Variants in ZNF33A observed in about 807,000 individuals in gnomAD.
ZNF33A encodes the protein brain my041 protein.
ZNF33A carries 9 observed loss-of-function variants against 15.9 expected under a neutral mutation model. The observed-to-expected ratio is 0.57, with a 90% CI of 0.34 to 0.99. ZNF33A has a LOEUF of 0.99. ZNF33A is among the 50% of genes least tolerant of loss of function. The pLI is 0.02. For synonymous variants in ZNF33A, 294 were observed against 324.2 expected, an observed-to-expected ratio of 0.91 and a Z score of 1.00; for missense variants, 843 against 941.6, an observed-to-expected ratio of 0.90 and a Z score of 1.37.
At chr10:38,015,678 A>G (rs1187595842) in intron 2 of ZNF33A, among the ~76,000 whole-genome samples, 1 of 152,116 alleles carries the variant, frequency 6.6e-6, no homozygotes, top group Non-Finnish European at 1.5e-5. Flanking sequence ...TGTCCAACCT[A>G]TATAGCCCTA....
Position 38,010,762 on chromosome 10 carries a change from T to G in ZNF33A, c.-66T>G. 1 of 1,598,400 alleles carries G rather than the reference T, an allele frequency of 6.3e-7. No homozygotes were observed. The highest frequency in any genetic ancestry group is 8.5e-7 in the Non-Finnish European group (1 of 1,179,790). On this transcript the variant is annotated 5_prime_UTR_variant, in exon 1 of 5. An upstream start codon of the reference 5' UTR is lost. Coordinates refer to ENST00000432900, the MANE Select transcript of ZNF33A (RefSeq NM_006954.2). ...GGTCTACGCGCTTTTCTATGGCGAA[T>G]GCAACCCGACGAGGGAGTGGGGTAA...
At chr10:38,034,825 A>G (rs2065369532) in intron 4 of ZNF33A, among the ~76,000 whole-genome samples, 1 of 152,168 alleles carries the variant, frequency 6.6e-6, no homozygotes, top group South Asian at 2.1e-4. Flanking sequence ...TGAAAATGGT[A>G]TTAGAAACCA....
At chr10:38,033,332 A>G (rs2065294616) in intron 4 of ZNF33A, among the ~76,000 whole-genome samples, 1 of 152,206 alleles carries the variant, frequency 6.6e-6, no homozygotes, top group South Asian at 2.1e-4. Context: ...TAGATATACT[A>G]CATTTTATGT....
chr10:38,014,370 T>C (rs2064348159), intron 2 of ZNF33A, among the ~76,000 whole-genome samples: 1 of 152,178 alleles, frequency 6.6e-6, no homozygotes, highest in Non-Finnish European at 1.5e-5. Flanking sequence ...CAGAAGAAGT[T>C]TACCAATCCC....
At chr10:38,027,422 C>T (rs532585632) in intron 4 of ZNF33A, among the ~76,000 whole-genome samples, 38 of 151,980 alleles carry the variant, frequency 2.5e-4, no homozygotes, top group South Asian at 1.9e-3. Context: ...GGTACAATTA[C>T]GGCTCACTGC....
rs2066590869 is a variant in ZNF33A, at chr10:38,058,833, T to G, written c.*2273T>G. 6.6e-6 allele frequency: 1 copy of G among 152,124 alleles called. No individual in the cohort carries two copies. Among genetic ancestry groups the G allele is most frequent in the African/African-American group, 2.4e-5 (1 of 41,442 alleles). The allele number at this position is 152,124 out of a possible 1,614,324, so 9.4% of individuals were successfully genotyped here. On this transcript the variant is annotated 3_prime_UTR_variant, in exon 5 of 5. Coordinates refer to ENST00000432900, the MANE Select transcript of ZNF33A (RefSeq NM_006954.2). The stretch of plus-strand genomic sequence containing the variant: ...GGACCAGCTGGGTTCACTGATGTGT[T>G]TTTGAGATACTTAAGGTAGAAATGA...
chr10:38,044,999 A>G (rs552113238), intron 4 of ZNF33A, among the ~76,000 whole-genome samples: 252 of 152,312 alleles, frequency 1.7e-3, no homozygotes, highest in Non-Finnish European at 2.3e-3. Flanking sequence ...CTTTGAGGTC[A>G]GCTAAGTCTG....
chr10:38,041,807 C>T (rs906072541), intron 4 of ZNF33A, among the ~76,000 whole-genome samples: 5 of 152,126 alleles, frequency 3.3e-5, no homozygotes, highest in Non-Finnish European at 7.4e-5. Context: ...GGATACTCAA[C>T]CTGTAATTGT....
intron 4 of ZNF33A, among the ~76,000 whole-genome samples, chr10:38,022,657 C>CA (rs35295191): frequency 0.089 from 8,057 of 90,840 alleles, 898 homozygotes; most frequent in African/African-American, 0.25. Flanking sequence ...AACTCTGTCT[C>CA]AAAAAAAAAA....
chr10:38,041,188 A>G (rs1450551546), intron 4 of ZNF33A, among the ~76,000 whole-genome samples: 1 of 152,088 alleles, frequency 6.6e-6, no homozygotes, highest in African/African-American at 2.4e-5. Context: ...TAGCACATAG[A>G]GGTGAGGTCT....
At chr10:38,064,316 C>T (rs1341466454), downstream of ZNF33A, 10 of 550,316 alleles carry the variant, frequency 1.8e-5, no homozygotes, top group Middle Eastern at 2.7e-4. Flanking sequence ...ATTTCTACTT[C>T]AAAGAGTTGC....
At chr10:38,034,756 G>T (rs2065366758) in intron 4 of ZNF33A, among the ~76,000 whole-genome samples, 1 of 152,080 alleles carries the variant, frequency 6.6e-6, no homozygotes, top group Admixed American at 6.6e-5. Context: ...GGCTCATCTT[G>T]TATATTTTCT....
At chr10:38,014,509 C>T (rs1354093698) in intron 2 of ZNF33A, among the ~76,000 whole-genome samples, 1 of 152,198 alleles carries the variant, frequency 6.6e-6, no homozygotes, top group Non-Finnish European at 1.5e-5. Context: ...ACATTTACAT[C>T]TCTTTCATTG....
Position 38,055,936 on chromosome 10 carries a change from A to G in ZNF33A, c.1812A>G (p.Thr604=), listed in dbSNP as rs760781054. 8.1e-6 allele frequency: 13 copies of G among 1,613,916 alleles called. No individual in the cohort carries two copies. The African/African-American group carries it at 1.7e-4, about 22-fold the overall frequency. The change falls in exon 5 of 5, where the codon ACA becomes ACG. Residue 604 remains threonine (T), a synonymous_variant. Coordinates refer to ENST00000432900, the MANE Select transcript of ZNF33A (RefSeq NM_006954.2). ...TAACTAAACATAATAGAACACATAC[A>G]GGGGAGAAACCCTATGAATGTAATG... The part of the protein sequence containing the change: ...SYLTKHNRTH[T]GEKPYECNEC...
chr10:38,056,840 T>G lies in ZNF33A; in HGVS notation c.*280T>G. ...AGAAATAAAATACGACAAGTTATGT[T>G]TTGAGTTTGATGCCATAATAGTTTT... On this transcript the variant is annotated 3_prime_UTR_variant, in exon 5 of 5. Transcript: ENST00000432900. 9.1e-7 allele frequency: 1 copy of G among 1,104,750 alleles called. No homozygotes were observed. The highest frequency in any genetic ancestry group is 3.9e-4 in the Middle Eastern group (1 of 2,538). The allele number at this position is 1,104,750 out of a possible 1,614,324, so 68.4% of individuals were successfully genotyped here.
At position 38,028,600 on chromosome 10, in the gene ZNF33A, T is replaced by G. The variant is rs1755802717; in HGVS notation, c.250+11214T>G. ...CTCATGCCTCAGCCTCCCAAGTAGC[T>G]GGGACTACAGGCACGTGCCACCACA... On this transcript the variant is annotated intron_variant, in intron 4 of 4. Coordinates refer to ENST00000432900, the MANE Select transcript of ZNF33A (RefSeq NM_006954.2). Among the ~76,000 whole-genome samples the G allele has an allele frequency of 3.9e-5, 6 of 152,232 alleles. No homozygotes were observed. In the South Asian group the frequency reaches 1.2e-3, roughly 32 times the overall value.
rs1263415489 is a variant in ZNF33A at position 38,040,936 on chromosome 10, A to C, written c.251-13439A>C. Among the ~76,000 whole-genome samples the C allele has an allele frequency of 3.9e-5, 6 of 152,138 alleles. No individual in the cohort carries two copies. In the South Asian group the frequency reaches 1.2e-3, roughly 31 times the overall value. ...ATTTTTTCTGTCCTTACTAGAATGT[A>C]TTTCCATTTTAAGTGGAAAAACAAT... On this transcript the variant is annotated intron_variant, in intron 4 of 4. Coordinates refer to ENST00000432900, the MANE Select transcript of ZNF33A (RefSeq NM_006954.2).
intron 2 of ZNF33A, among the ~76,000 whole-genome samples, chr10:38,012,555 C>G (rs1006149926): frequency 4.6e-5 from 7 of 151,692 alleles, no homozygotes; most frequent in Non-Finnish European, 1.0e-4. Flanking sequence ...CCTCAGCCCC[C>G]CGAGTAGCTG....
chr10:38,038,580 T>A (rs2065554425), intron 4 of ZNF33A, among the ~76,000 whole-genome samples: 1 of 152,220 alleles, frequency 6.6e-6, no homozygotes. Context: ...TCAATCTAAA[T>A]TCCCCTTCCC....
Sources: gnomAD v4.1 joint callset for allele counts (sites outside exome capture counted in the v4.1 genomes callset) on GRCh38, gnomAD v4.1.1 for gene constraint, MANE v1.5 for transcripts, NCBI Gene and HGNC (gene_info 2026-07-23, HGNC 2026-07-21) for gene names.